TAFA3: variants seen among roughly 807,000 people sequenced by gnomAD.
TAFA3 encodes the protein TAFA chemokine like family member 3, also known as chemokine-like protein TAFA-3.
In TAFA3, 17 loss-of-function variants were observed where a neutral mutation model predicts 20.7. That is an observed-to-expected ratio of 0.82 (90% CI 0.56 to 1.23). TAFA3 has a LOEUF of 1.23. Among genes scored for constraint, TAFA3 ranks in the 50% most tolerant of loss-of-function variants. The pLI, the probability that TAFA3 is intolerant of heterozygous loss-of-function variation, is 0.00. For missense variants in TAFA3, 174 were observed against 172.8 expected (o/e 1.01, Z -0.04); for synonymous variants, 74 against 71.8 (o/e 1.03, Z -0.16).
rs1675264459 is a variant in TAFA3 at position 112,718,949 on chromosome 1, C to A, written c.-410C>A. Among the ~76,000 whole-genome samples, 1 of 152,202 alleles carries A rather than the reference C, an allele frequency of 6.6e-6. No homozygotes were observed. The highest frequency in any genetic ancestry group is 2.4e-5 in the African/African-American group (1 of 41,454). On this transcript the variant is annotated 5_prime_UTR_variant, in exon 1 of 6. Transcript: ENST00000361886. ...CGGCGCCCACGCGGGGCTGGAGGAG[C>A]GGGGGTAGCCCGGGGCGAGGCGGCG... is the stretch of plus-strand genomic sequence containing the variant.
At chr1:112,719,348 T>C (rs1675275732) in intron 1 of TAFA3, among the ~76,000 whole-genome samples, 49 bp downstream of exon 1, 1 of 152,104 alleles carries the variant, frequency 6.6e-6, no homozygotes, top group African/African-American at 2.4e-5. Context: ...GAGTAGGCGT[T>C]AGGGGGGTTT....
rs373224794 is a variant in TAFA3 at position 112,722,980 on chromosome 1, C to A, written c.116-36C>A. ...GTGGGCGGGAGGGAGCGGGGTCGGG[C>A]GTGTTGGGCGTCTGATCCTGGGCGG... is the stretch of plus-strand genomic sequence containing the variant. On this transcript the variant is annotated intron_variant, in intron 3 of 5. Transcript: ENST00000361886. 2,262 of 1,581,330 alleles carry A rather than the reference C, an allele frequency of 1.4e-3. 5 individuals carry two copies. The highest frequency in any genetic ancestry group is 1.8e-3 in the South Asian group (151 of 85,988).
At chr1:112,720,718 C>G (rs1675307540) in intron 2 of TAFA3, 84 bp downstream of exon 2, 1 of 152,278 alleles carries the variant, frequency 6.6e-6, no homozygotes, top group African/African-American at 2.4e-5. Flanking sequence ...TGGGTCCTAG[C>G]AGTTGGTTTG....
chr1:112,725,404 A>AAACC (rs1553192324), intron 5 of TAFA3, among the ~76,000 whole-genome samples: 1 of 71,916 alleles, frequency 1.4e-5, no homozygotes, highest in African/African-American at 4.8e-5. Context: ...TTAAAAAAAA[A>AAACC]AAAAAAAAAA....
rs1675350784 is a variant in TAFA3, at chr1:112,722,367, G to A, written c.115+19G>A. The A allele has an allele frequency of 1.9e-6, 3 of 1,603,806 alleles. No individual in the cohort carries two copies. The highest frequency in any genetic ancestry group is 2.6e-6 in the Non-Finnish European group (3 of 1,173,698). On this transcript the variant is annotated intron_variant, in intron 3 of 5. Coordinates refer to ENST00000361886, the MANE Select transcript of TAFA3 (RefSeq NM_182759.3). The stretch of plus-strand genomic sequence containing the variant: ...GCCACAGGTTTGGAGGAGGTGGCAG[G>A]GCCCGGGGAGGGAGTTTCCCAGGAC...
At chr1:112,723,270 G>A (rs994968949) in intron 4 of TAFA3, 105 bp downstream of exon 4, 5 of 1,399,872 alleles carry the variant, frequency 3.6e-6, no homozygotes, top group Non-Finnish European at 4.7e-6. Flanking sequence ...CCGTCTCAGG[G>A]CTTTCATGAG....
chr1:112,726,963 G>A lies in TAFA3; in HGVS notation c.*323G>A, dbSNP rs950892904. On this transcript the variant is annotated 3_prime_UTR_variant, in exon 6 of 6. Transcript: ENST00000361886. ...GTTAAAGTACTTGATACCAGACTGC[G>A]GCTTCTGGGCCACATGCTATGGCAT... 12 of 352,892 alleles carry A rather than the reference G, an allele frequency of 3.4e-5. No individual in the cohort carries two copies. The highest frequency in any genetic ancestry group is 4.7e-5 in the Non-Finnish European group (9 of 191,120). The allele number at this position is 352,892 out of a possible 1,614,324, so 21.9% of individuals were successfully genotyped here. A position where few individuals can be genotyped will look rare whatever the true frequency, so the allele number is the denominator to read the frequency against.
rs1457170925 is a variant in TAFA3 at position 112,723,193 on chromosome 1, G to A, written c.265+28G>A. Reference sequence around the variant, plus strand: ...GAGTGAGAGGCCAGGACCCGGGCAGGGCCCTGAGCAGAGCCATAAGGAGGC... The same window carrying A: ...GAGTGAGAGGCCAGGACCCGGGCAGAGCCCTGAGCAGAGCCATAAGGAGGC... On this transcript the variant is annotated intron_variant, in intron 4 of 5. Coordinates refer to ENST00000361886, the MANE Select transcript of TAFA3 (RefSeq NM_182759.3). The A allele has an allele frequency of 5.0e-6, 8 of 1,607,430 alleles. 1 individual carries two copies. The South Asian group carries it at 7.8e-5, about 16-fold the overall frequency.
intron 5 of TAFA3, among the ~76,000 whole-genome samples, chr1:112,724,543 C>CT (rs1480771518): frequency 1.4e-5 from 2 of 143,274 alleles, no homozygotes; most frequent in East Asian, 4.1e-4. Context: ...AACAAAAAAC[C>CT]AAACACCGCA....
intron 4 of TAFA3, 153 bp from the exon 5 acceptor site, chr1:112,723,860 T>C (rs1675391802): frequency 6.6e-7 from 1 of 1,512,610 alleles, no homozygotes; most frequent in Non-Finnish European, 9.1e-7. Flanking sequence ...GTACTGCCTC[T>C]CTGGGCAGCC....
chr1:112,723,106 G>A lies in TAFA3; in HGVS notation c.206G>A (p.Cys69Tyr), dbSNP rs1457716720. 1.2e-6 allele frequency: 2 copies of A among 1,613,398 alleles called. No individual in the cohort carries two copies. Among genetic ancestry groups the A allele is most frequent in the East Asian group, 2.2e-5 (1 of 44,854 alleles). ...RIEERSQTVK[C>Y]SCFSGQVAGT... is the part of the protein sequence containing the mutation. Reference sequence around the variant, plus strand: ...GAGGAGCGCTCCCAGACGGTGAAATGCTCCTGTTTTTCTGGCCAGGTGGCC... The same window carrying A: ...GAGGAGCGCTCCCAGACGGTGAAATACTCCTGTTTTTCTGGCCAGGTGGCC... The change falls in exon 4 of 6, where the codon TGC becomes TAC. Residue 69 changes from cysteine (C) to tyrosine (Y), a missense_variant. By Grantham distance (194) the Cys-to-Tyr change is radical. Transcript: ENST00000361886.
At chr1:112,722,144 C>A in intron 2 of TAFA3, 89 bp from the exon 3 acceptor site, 1 of 1,384,416 alleles carries the variant, frequency 7.2e-7, no homozygotes, top group South Asian at 1.2e-5. Context: ...ATCTTTGTGC[C>A]TCCCAGAGTG....
At chr1:112,726,357 G>C (rs1675472108) in intron 5 of TAFA3, among the ~76,000 whole-genome samples, 1 of 152,186 alleles carries the variant, frequency 6.6e-6, no homozygotes, top group Non-Finnish European at 1.5e-5. Flanking sequence ...CAGAGCTTGT[G>C]ACATTTGTCA....
chr1:112,725,484 G>A (rs1675447183), intron 5 of TAFA3, among the ~76,000 whole-genome samples: 1 of 151,020 alleles, frequency 6.6e-6, no homozygotes, highest in Non-Finnish European at 1.5e-5. Flanking sequence ...TGAGCTCCAG[G>A]TACAGTAGTC....
chr1:112,719,346 G>A (rs777321370), intron 1 of TAFA3, among the ~76,000 whole-genome samples, 47 bp downstream of exon 1: 1 of 152,188 alleles, frequency 6.6e-6, no homozygotes. Flanking sequence ...ATGAGTAGGC[G>A]TTAGGGGGGT....
At position 112,724,017 on chromosome 1, in the gene TAFA3, C is replaced by T. The variant is rs1675396116; in HGVS notation, c.270C>T (p.Ser90=). ...TRAKPSCVDA[S]IVLQRWWCQM... is the part of the protein sequence containing the mutation. ...CTCCGCCTCCTGCTCCCACAGCCTC[C>T]ATCGTCCTGCAGAGATGGTGGTGTC... Residue 90 remains serine (S), a synonymous_variant, in exon 5 of 6, where the codon TCC becomes TCT. Transcript: ENST00000361886. 2 of 1,613,862 alleles carry T rather than the reference C, an allele frequency of 1.2e-6. No homozygotes were observed. Among genetic ancestry groups the T allele is most frequent in the African/African-American group, 2.7e-5 (2 of 74,916 alleles).
intron 4 of TAFA3, 29 bp downstream of exon 4, chr1:112,723,194 G>A: frequency 1.9e-6 from 3 of 1,606,804 alleles, no homozygotes; most frequent in Middle Eastern, 3.6e-4. Context: ...CCCGGGCAGG[G>A]CCCTGAGCAG....
intron 1 of TAFA3, among the ~76,000 whole-genome samples, 50 bp downstream of exon 1, chr1:112,719,349 A>AG (rs1408466870): frequency 7.9e-5 from 12 of 152,290 alleles, no homozygotes; most frequent in South Asian, 4.1e-4. Context: ...AGTAGGCGTT[A>AG]GGGGGGTTTG....
At chr1:112,724,203 A>C (rs1405098316) in intron 5 of TAFA3, 66 bp downstream of exon 5, 1 of 1,407,940 alleles carries the variant, frequency 7.1e-7, no homozygotes, top group African/African-American at 1.4e-5. Flanking sequence ...AAAAGGGGGC[A>C]CAGGAGCCTT....
Sources: allele counts gnomAD v4.1 joint callset (sites outside exome capture counted in the v4.1 genomes callset), GRCh38; gene constraint gnomAD v4.1.1; transcripts MANE v1.5; gene names NCBI Gene and HGNC (gene_info 2026-07-23, HGNC 2026-07-21).